Variants in NEO1 observed in about 807,000 individuals in gnomAD.
NEO1 encodes neogenin.
In NEO1, 63 loss-of-function variants were observed where a neutral mutation model predicts 159.7. That is an observed-to-expected ratio of 0.39 (90% CI 0.32 to 0.49). The LOEUF is 0.49. NEO1 is among the 20% of genes least tolerant of loss of function. The pLI, the probability that NEO1 is intolerant of heterozygous loss-of-function variation, is 0.85. For missense variants in NEO1, 1,615 were observed against 1,831.0 expected, an observed-to-expected ratio of 0.88 and a Z score of 2.15; for synonymous variants, 633 against 662.0, an observed-to-expected ratio of 0.96 and a Z score of 0.67.
At chr15:73,211,937 G>A (rs767388136) in intron 7 of NEO1, among the ~76,000 whole-genome samples, 1 of 152,192 alleles carries the variant, frequency 6.6e-6, no homozygotes, top group Non-Finnish European at 1.5e-5. Context: ...ATTTTGTCCA[G>A]TGTTCTCAGT....
chr15:73,086,582 A>G (rs1340211678), intron 1 of NEO1, among the ~76,000 whole-genome samples: 2 of 128,762 alleles, frequency 1.6e-5, no homozygotes, highest in Non-Finnish European at 3.2e-5. Flanking sequence ...TTTTTTTGAG[A>G]TGGAGTCTCA....
In NEO1 at chr15:73,065,502, T is replaced by C. The variant is rs112493319; in HGVS notation, c.130+12697T>C. 3.9e-5 allele frequency among the ~76,000 whole-genome samples: 6 copies of C among 152,340 alleles called. 1 individual carries two copies. The highest frequency in any genetic ancestry group is 1.4e-4 in the African/African-American group (6 of 41,576). On this transcript the variant is annotated intron_variant, in intron 1 of 28. Coordinates refer to ENST00000261908, the MANE Select transcript of NEO1 (RefSeq NM_002499.4). ...AGAATTCTAGGTAAACAGTGTGTTT[T>C]TTCAACACTTTACATATGTTGTTCC...
chr15:73,253,373 ATTTTT>A lies in NEO1; in HGVS notation c.1895-15_1895-11del, dbSNP rs747030708. On this transcript the variant is annotated intron_variant, in intron 11 of 28. Transcript: ENST00000261908. ...TGATGTATGGGTGATTAAAAAAAAA[ATTTTT>A]TTTTTTTTTTTGTTTCTCTAGTTCC... The A allele has an allele frequency of 6.5e-4, 749 of 1,152,616 alleles. 2 individuals carry two copies. The African/African-American group carries it at 0.011, about 17-fold the overall frequency. The allele number at this position is 1,152,616 out of a possible 1,614,324, so 71.4% of individuals were successfully genotyped here.
intron 21 of NEO1, among the ~76,000 whole-genome samples, chr15:73,276,326 G>C (rs756382667): frequency 1.1e-4 from 16 of 152,304 alleles, no homozygotes; most frequent in Admixed American, 2.6e-4. Flanking sequence ...TTGACAATTA[G>C]GTACATAATC....
chr15:73,107,229 A>G (rs552061014), intron 1 of NEO1, among the ~76,000 whole-genome samples: 1 of 152,346 alleles, frequency 6.6e-6, no homozygotes, highest in Admixed American at 6.5e-5. Flanking sequence ...TTTTCTTTGT[A>G]ATACAAATAC....
At chr15:73,239,367 G>A (rs1421038141) in intron 8 of NEO1, among the ~76,000 whole-genome samples, 9 of 152,102 alleles carry the variant, frequency 5.9e-5, no homozygotes, top group Non-Finnish European at 1.2e-4. Flanking sequence ...ACAGATATAT[G>A]TATGCATTGG....
chr15:73,168,384 G>C (rs28723007), intron 5 of NEO1, among the ~76,000 whole-genome samples: 3 of 92,836 alleles, frequency 3.2e-5, no homozygotes, highest in South Asian at 5.1e-4. Flanking sequence ...GGGGGTGGGG[G>C]GGGGGGGTCT....
intron 7 of NEO1, among the ~76,000 whole-genome samples, chr15:73,183,692 C>T (rs1284371407): frequency 6.6e-6 from 1 of 151,816 alleles, no homozygotes; most frequent in Non-Finnish European, 1.5e-5. Context: ...TGGGAAAGGT[C>T]AAGAGCACAG....
chr15:73,270,501 AG>A, intron 18 of NEO1, 47 bp downstream of exon 18: 1 of 1,558,174 alleles, frequency 6.4e-7, no homozygotes. Context: ...TTACTTCCCA[AG>A]GAAAGAATTG....
At chr15:73,140,906 C>A (rs1047070315) in intron 5 of NEO1, among the ~76,000 whole-genome samples, 1 of 152,136 alleles carries the variant, frequency 6.6e-6, no homozygotes, top group Non-Finnish European at 1.5e-5. Flanking sequence ...CAAAAACAGA[C>A]AAAACTAATC....
intron 8 of NEO1, among the ~76,000 whole-genome samples, chr15:73,243,895 G>A (rs936358134): frequency 1.3e-5 from 2 of 152,074 alleles, no homozygotes; most frequent in African/African-American, 4.8e-5. Context: ...ATAACCTCTA[G>A]CATTCTTTTT....
At chr15:73,228,064 A>C (rs2038692438) in intron 7 of NEO1, among the ~76,000 whole-genome samples, 1 of 152,240 alleles carries the variant, frequency 6.6e-6, no homozygotes, top group Admixed American at 6.5e-5. Flanking sequence ...AGCAATAGTT[A>C]CACAGTCCTA....
At chr15:73,277,855 A>G (rs1320691721) in intron 21 of NEO1, among the ~76,000 whole-genome samples, 1 of 152,174 alleles carries the variant, frequency 6.6e-6, no homozygotes, top group African/African-American at 2.4e-5. Context: ...GAGAAATAGC[A>G]CCTACTGTCC....
chr15:73,284,873 C>T (rs1277084330), intron 23 of NEO1, among the ~76,000 whole-genome samples: 1 of 152,164 alleles, frequency 6.6e-6, no homozygotes, highest in African/African-American at 2.4e-5. Flanking sequence ...GAGGCATGAG[C>T]CACTGCGCCC....
At chr15:73,231,296 A>G (rs2038895389) in intron 7 of NEO1, among the ~76,000 whole-genome samples, 2 of 152,214 alleles carry the variant, frequency 1.3e-5, no homozygotes, top group African/African-American at 4.8e-5. Context: ...AGGATAGACC[A>G]CATGCTAGGA....
chr15:73,093,754 T>C (rs898378824), intron 1 of NEO1, among the ~76,000 whole-genome samples: 3 of 152,008 alleles, frequency 2.0e-5, no homozygotes, highest in African/African-American at 7.2e-5. Flanking sequence ...ATTTTTTGTA[T>C]TTTTTGTAGA....
At chr15:73,114,092 G>A (rs1163282364) in intron 1 of NEO1, among the ~76,000 whole-genome samples, 1 of 152,180 alleles carries the variant, frequency 6.6e-6, no homozygotes, top group Non-Finnish European at 1.5e-5. Context: ...TGCTTGCTTA[G>A]AACAGGCAAA....
At chr15:73,290,410 T>C (rs1314854031) in intron 25 of NEO1, among the ~76,000 whole-genome samples, 2 of 151,686 alleles carry the variant, frequency 1.3e-5, no homozygotes, top group African/African-American at 2.4e-5. Context: ...CTGGCTAGTT[T>C]TTTGTAGACA....
At chr15:73,139,763 G>T (rs1038935358) in intron 5 of NEO1, among the ~76,000 whole-genome samples, 1 of 152,338 alleles carries the variant, frequency 6.6e-6, no homozygotes, top group East Asian at 1.9e-4. Context: ...TATTGTTCAT[G>T]CAGTCTTACT....
Sources: gnomAD v4.1 joint callset for allele counts (sites outside exome capture counted in the v4.1 genomes callset) on GRCh38, gnomAD v4.1.1 for gene constraint, MANE v1.5 for transcripts, NCBI Gene and HGNC (gene_info 2026-07-23, HGNC 2026-07-21) for gene names.